Variants in PATE4 observed in about 807,000 individuals in gnomAD.
PATE4 encodes the protein prostate and testis expressed protein 4.
PATE4 carries 13 observed loss-of-function variants against 8.5 expected under a neutral mutation model. The observed-to-expected ratio is 1.53, with a 90% CI of 1.00 to 2.43. The LOEUF (loss-of-function observed/expected upper bound fraction) is 2.43. Among genes scored for constraint, PATE4 ranks in the 30% most tolerant of loss-of-function variants. The pLI is 0.00. For synonymous variants in PATE4, 47 were observed against 39.3 expected, an observed-to-expected ratio of 1.20 and a Z score of -0.73; for missense variants, 127 against 115.5, an observed-to-expected ratio of 1.10 and a Z score of -0.46.
intron 1 of PATE4, among the ~76,000 whole-genome samples, chr11:125,837,517 C>G (rs1218391694): frequency 6.6e-6 from 1 of 152,180 alleles, no homozygotes; most frequent in Non-Finnish European, 1.5e-5. Flanking sequence ...CTAAAGTATT[C>G]CCCTGCTTTT....
chr11:125,837,908 A>C lies in PATE4; in HGVS notation c.99A>C (p.Gly33=). The part of the protein sequence containing the change: ...LKCNTCIYTE[G]WKCMAGRGTC... ...GTAATACCTGCATATACACAGAAGG[A>C]TGGAAGTGTATGGCAGGCCGAGGCA... The change falls in exon 2 of 3, where the codon GGA becomes GGC. Residue 33 remains glycine, a synonymous_variant. Coordinates refer to ENST00000457514, the MANE Select transcript of PATE4 (RefSeq NM_001144874.1). 6.4e-7 allele frequency: 1 copy of C among 1,551,582 alleles called. No individual in the cohort carries two copies. The highest frequency in any genetic ancestry group is 8.7e-7 in the Non-Finnish European group (1 of 1,146,896).
Position 125,838,647 on chromosome 11 carries a change from A to T in PATE4, c.*220A>T. ...ATTGAAACAAAATCCTCCATGAGCTATGCTTATTCTTTTGTCTTCTACTCC... is the reference window on the plus strand; with the variant it reads ...ATTGAAACAAAATCCTCCATGAGCTTTGCTTATTCTTTTGTCTTCTACTCC... On this transcript the variant is annotated 3_prime_UTR_variant, in exon 3 of 3. Transcript: ENST00000457514. The T allele has an allele frequency of 2.2e-6, 1 of 456,126 alleles. No individual in the cohort carries two copies. The highest frequency in any genetic ancestry group is 3.8e-6 in the Non-Finnish European group (1 of 263,552). 28.3% of individuals were successfully genotyped at this position (456,126 alleles called of 1,614,324 possible).
At chr11:125,836,560 C>T (rs1438620251) in intron 1 of PATE4, among the ~76,000 whole-genome samples, 3 of 152,180 alleles carry the variant, frequency 2.0e-5, no homozygotes, top group Non-Finnish European at 1.5e-5. Flanking sequence ...TACCACACCA[C>T]CCACTTACCT....
chr11:125,838,420 T>G lies in PATE4; in HGVS notation c.290T>G (p.Val97Gly). 5 of 1,547,508 alleles carry G rather than the reference T, an allele frequency of 3.2e-6. No individual in the cohort carries two copies. Among genetic ancestry groups the G allele is most frequent in the Non-Finnish European group, 3.5e-6 (4 of 1,145,950 alleles). ...TGCTGTGACAGAAACTTCTGTAATG[T>G]CTTCTAATGGAGCTTAGGAACTTGC... is the stretch of plus-strand genomic sequence containing the variant. ...TLCCDRNFCNVF is the reference protein window; with the variant it reads ...TLCCDRNFCNGF The change falls in exon 3 of 3, where the codon GTC becomes GGC. Residue 97 changes from valine (V) to glycine (G), a missense_variant. Transcript: ENST00000457514.
chr11:125,833,497 C>A (rs1943901327), intron 1 of PATE4, 80 bp downstream of exon 1: 12 of 1,331,384 alleles, frequency 9.0e-6, no homozygotes, highest in Non-Finnish European at 1.3e-5. Flanking sequence ...GTCTCACTCA[C>A]ATGCTCCAGC....
intron 1 of PATE4, among the ~76,000 whole-genome samples, chr11:125,837,263 C>T (rs1480170077): frequency 6.6e-6 from 1 of 152,154 alleles, no homozygotes; most frequent in Non-Finnish European, 1.5e-5. Context: ...ACAGGGACTC[C>T]CAAATCACCT....
At position 125,839,235 on chromosome 11, in the gene PATE4, T is replaced by A. The variant is rs1943942566; in HGVS notation, c.*808T>A. 6.6e-6 allele frequency: 1 copy of A among 152,202 alleles called. No individual in the cohort carries two copies. Among genetic ancestry groups the A allele is most frequent in the South Asian group, 2.1e-4 (1 of 4,834 alleles). 9.4% of individuals were successfully genotyped at this position (152,202 alleles called of 1,614,324 possible). A position where few individuals can be genotyped will look rare whatever the true frequency, so the allele number is the denominator to read the frequency against. ...ATAAACTTCTAGGAATTCAAATCAT[T>A]GGTAAGCCTGAGTACCCAGGGGCCA... On this transcript the variant is annotated 3_prime_UTR_variant, in exon 3 of 3. Coordinates refer to ENST00000457514, the MANE Select transcript of PATE4 (RefSeq NM_001144874.1).
At chr11:125,835,278 G>C (rs1943911797) in intron 1 of PATE4, 1 of 152,178 alleles carries the variant, frequency 6.6e-6, no homozygotes, top group South Asian at 2.1e-4. Context: ...TCTGGTGTTT[G>C]GAAGGCACAG....
rs1218278120 is a variant in PATE4 at position 125,838,587 on chromosome 11, C to T, written c.*160C>T. On this transcript the variant is annotated 3_prime_UTR_variant, in exon 3 of 3. Transcript: ENST00000457514. ...ATTGCAATGAAGGGGCTCCCCACAC[C>T]CCACCTCCACCACTAGATTCCTAAA... 4.5e-6 allele frequency: 3 copies of T among 664,558 alleles called. No individual in the cohort carries two copies. The highest frequency in any genetic ancestry group is 6.9e-6 in the Non-Finnish European group (3 of 434,076). 41.2% of individuals were successfully genotyped at this position (664,558 alleles called of 1,614,324 possible).
rs569109536 is a variant in PATE4, at chr11:125,837,672, C to A, written c.59-196C>A. On this transcript the variant is annotated intron_variant, in intron 1 of 2. Transcript: ENST00000457514. Reference sequence around the variant, plus strand: ...ATATAAATGGACCCTATTCAGGTCACAGAGACTGTGTCTTATCTTTTTTAT... The same window carrying A: ...ATATAAATGGACCCTATTCAGGTCAAAGAGACTGTGTCTTATCTTTTTTAT... 4.6e-5 allele frequency among the ~76,000 whole-genome samples: 7 copies of A among 152,322 alleles called. No homozygotes were observed. In the East Asian group the frequency reaches 1.3e-3, roughly 29 times the overall value.
chr11:125,835,031 T>C (rs1246637445), intron 1 of PATE4: 2 of 152,126 alleles, frequency 1.3e-5, no homozygotes, highest in African/African-American at 4.8e-5. Context: ...CTGGCAAGAG[T>C]GGGAGATCAA....
rs926102985 is a variant in PATE4, at chr11:125,838,290, G to A, written c.176-16G>A. Reference sequence around the variant, plus strand: ...CAATCTCCTCCAGCATTTATAACAGGCTTCTTCATTTTCAGGAGACAAACA... The same window carrying A: ...CAATCTCCTCCAGCATTTATAACAGACTTCTTCATTTTCAGGAGACAAACA... On this transcript the variant is annotated splice_polypyrimidine_tract_variant and intron_variant, in intron 2 of 2. Transcript: ENST00000457514. 6.5e-7 allele frequency: 1 copy of A among 1,530,670 alleles called. No homozygotes were observed. The highest frequency in any genetic ancestry group is 1.4e-5 in the African/African-American group (1 of 71,672). 94.8% of individuals were successfully genotyped at this position (1,530,670 alleles called of 1,614,324 possible).
At chr11:125,838,061 C>G in intron 2 of PATE4, 77 bp downstream of exon 2, 1 of 1,199,862 alleles carries the variant, frequency 8.3e-7, no homozygotes. Flanking sequence ...ATAAAGAACT[C>G]GATATCATTT....
At chr11:125,838,019 G>T (rs143157404) in intron 2 of PATE4, 35 bp downstream of exon 2, 29 of 1,453,176 alleles carry the variant, frequency 2.0e-5, no homozygotes, top group Non-Finnish European at 2.6e-5. Flanking sequence ...AAAATTGCCT[G>T]CAAAGAACCA....
chr11:125,835,582 CA>C (rs1425888707), intron 1 of PATE4: 1 of 152,136 alleles, frequency 6.6e-6, no homozygotes, highest in South Asian at 2.1e-4. Flanking sequence ...CACGATACAG[CA>C]GTGGACTTGA....
rs574322919 is a variant in PATE4 at position 125,834,284 on chromosome 11, C to T, written c.58+867C>T. ...TGGCAAAAATTAAAAATGCAACTCACATCAAACAAATGGCTAATATCCCTG... is the reference window on the plus strand; with the variant it reads ...TGGCAAAAATTAAAAATGCAACTCATATCAAACAAATGGCTAATATCCCTG... On this transcript the variant is annotated intron_variant, in intron 1 of 2. Coordinates refer to ENST00000457514, the MANE Select transcript of PATE4 (RefSeq NM_001144874.1). Among the ~76,000 whole-genome samples, 8 of 152,168 alleles carry T rather than the reference C, an allele frequency of 5.3e-5. No individual in the cohort carries two copies. The East Asian group carries it at 7.7e-4, about 15-fold the overall frequency.
chr11:125,834,788 GTTAA>G lies in PATE4; in HGVS notation c.58+1376_58+1379del, dbSNP rs1398194444. On this transcript the variant is annotated intron_variant, in intron 1 of 2. Coordinates refer to ENST00000457514, the MANE Select transcript of PATE4 (RefSeq NM_001144874.1). Reference sequence around the variant, plus strand: ...TAACTTAAATTCTCATAAGAGACTGGTTAATTAAAGCATGGTACAGCACTACAGT... The same window carrying G: ...TAACTTAAATTCTCATAAGAGACTGGTTAAAGCATGGTACAGCACTACAGT... Among the ~76,000 whole-genome samples, 4 of 152,222 alleles carry G rather than the reference GTTAA, an allele frequency of 2.6e-5. No individual in the cohort carries two copies. The East Asian group carries it at 7.7e-4, about 29-fold the overall frequency.
rs1591478765 is a variant in PATE4 at position 125,838,155 on chromosome 11, C to T, written c.176-151C>T. The T allele has an allele frequency of 5.7e-6, 6 of 1,046,692 alleles. No homozygotes were observed. The East Asian group carries it at 1.3e-4, about 23-fold the overall frequency. 64.8% of individuals were successfully genotyped at this position (1,046,692 alleles called of 1,614,324 possible). A position where few individuals can be genotyped will look rare whatever the true frequency, so the allele number is the denominator to read the frequency against. On this transcript the variant is annotated intron_variant, in intron 2 of 2. Transcript: ENST00000457514. ...ACTTCACACTGTAGGGTTTAGTATC[C>T]AGAGCCAGTTACGGTGGCGATTGGG...
Position 125,837,936 on chromosome 11 carries a change from T to G in PATE4, c.127T>G (p.Cys43Gly). 6.4e-7 allele frequency: 1 copy of G among 1,551,622 alleles called. No homozygotes were observed. Among genetic ancestry groups the G allele is most frequent in the Non-Finnish European group, 8.7e-7 (1 of 1,146,934 alleles). Residue 43 changes from cysteine (C) to glycine (G), a missense_variant, in exon 2 of 3, where the codon TGC becomes GGC. Cys to Gly is a radical substitution (Grantham distance 159, BLOSUM62 -3). Transcript: ENST00000457514. ...GWKCMAGRGTCIAKENELCST... is the reference protein window; with the variant it reads ...GWKCMAGRGTGIAKENELCST... ...GAAGTGTATGGCAGGCCGAGGCACT[T>G]GCATTGCAAAAGAAAATGAGTTATG...
Sources: gnomAD v4.1 joint callset for allele counts (sites outside exome capture counted in the v4.1 genomes callset) on GRCh38, gnomAD v4.1.1 for gene constraint, MANE v1.5 for transcripts, NCBI Gene and HGNC (gene_info 2026-07-23, HGNC 2026-07-21) for gene names.